SHISA6: variants seen among roughly 807,000 people sequenced by gnomAD.
SHISA6 encodes the protein shisa family member 6, also known as protein shisa-6.
In SHISA6, 22 loss-of-function variants were observed where a neutral mutation model predicts 47.9. The observed-to-expected ratio is 0.46, with a 90% CI of 0.33 to 0.66. SHISA6 has a LOEUF of 0.66. SHISA6 is among the 30% of genes least tolerant of loss of function. SHISA6 has a pLI of 0.02. For missense variants in SHISA6, 680 were observed against 764.6 expected (o/e 0.89, Z 1.30); for synonymous variants, 388 against 337.8 (o/e 1.15, Z -1.63).
At chr17:11,459,130 A>T (rs1258313078) in intron 3 of SHISA6, among the ~76,000 whole-genome samples, 3 of 151,390 alleles carry the variant, frequency 2.0e-5, no homozygotes, top group African/African-American at 7.3e-5. Flanking sequence ...GAGGCAGGAG[A>T]ATGGCATGAA....
chr17:11,470,623 GA>G (rs1187641000), intron 3 of SHISA6, among the ~76,000 whole-genome samples: 1 of 139,700 alleles, frequency 7.2e-6, no homozygotes, highest in African/African-American at 2.6e-5. Flanking sequence ...AACAGCAGGT[GA>G]AACAAGATTA....
At chr17:11,271,323 A>G (rs1158594185) in intron 2 of SHISA6, among the ~76,000 whole-genome samples, 3 of 152,156 alleles carry the variant, frequency 2.0e-5, no homozygotes, top group African/African-American at 4.8e-5. Flanking sequence ...AAGCATGGTT[A>G]TTAAATTTAT....
intron 2 of SHISA6, among the ~76,000 whole-genome samples, chr17:11,292,530 C>T (rs1021068539): frequency 2.0e-5 from 3 of 152,028 alleles, no homozygotes; most frequent in South Asian, 2.1e-4. Flanking sequence ...TCTGTCAGGA[C>T]GTAACATTTA....
chr17:11,353,017 T>G (rs1391174313), intron 2 of SHISA6, among the ~76,000 whole-genome samples: 2 of 152,198 alleles, frequency 1.3e-5, no homozygotes, highest in African/African-American at 4.8e-5. Context: ...TGAAAGGCAC[T>G]ATCCTCATGT....
chr17:11,468,310 T>C (rs1915858679), intron 3 of SHISA6, among the ~76,000 whole-genome samples: 1 of 152,046 alleles, frequency 6.6e-6, no homozygotes, highest in Non-Finnish European at 1.5e-5. Flanking sequence ...TCTAAGATGC[T>C]TTCTGGGTAT....
intron 3 of SHISA6, among the ~76,000 whole-genome samples, chr17:11,403,859 C>T (rs1913858293): frequency 6.6e-6 from 1 of 152,204 alleles, no homozygotes; most frequent in Non-Finnish European, 1.5e-5. Context: ...GGGTGGTGTT[C>T]CTCAGAGACC....
chr17:11,389,773 TG>T (rs1348405173), intron 3 of SHISA6, among the ~76,000 whole-genome samples: 8 of 152,202 alleles, frequency 5.3e-5, no homozygotes, highest in African/African-American at 1.7e-4. Context: ...GTCTTGGCAC[TG>T]AGTGGTCATC....
intron 2 of SHISA6, among the ~76,000 whole-genome samples, chr17:11,341,270 C>T (rs55764196): frequency 0.19 from 29,069 of 151,016 alleles, 3,033 homozygotes; most frequent in African/African-American, 0.25. Flanking sequence ...GCCTTGTACT[C>T]ACTGATTATC....
chr17:11,460,875 A>T (rs1423111123), intron 3 of SHISA6, among the ~76,000 whole-genome samples: 1 of 152,232 alleles, frequency 6.6e-6, no homozygotes, highest in Non-Finnish European at 1.5e-5. Flanking sequence ...AAGTCCCTGA[A>T]TGTGTTTTAA....
At chr17:11,245,751 G>GA (rs889803016) in intron 1 of SHISA6, among the ~76,000 whole-genome samples, 3 of 148,194 alleles carry the variant, frequency 2.0e-5, no homozygotes, top group Admixed American at 6.6e-5. Context: ...GGGCAGGGTG[G>GA]GGGGGGTGGA....
rs191452998 is a variant in SHISA6 at position 11,353,406 on chromosome 17, G to A, written c.800-26008G>A. On this transcript the variant is annotated intron_variant, in intron 2 of 5. Transcript: ENST00000441885. ...CAGGAGGCAGAGGTTGCAGTGAGCCGAGATCACGCCACCGCACTCCAGCCT... is the reference window on the plus strand; with the variant it reads ...CAGGAGGCAGAGGTTGCAGTGAGCCAAGATCACGCCACCGCACTCCAGCCT... Among the ~76,000 whole-genome samples the A allele has an allele frequency of 4.3e-4, 65 of 150,716 alleles. No individual in the cohort carries two copies. The East Asian group carries it at 0.013, about 29-fold the overall frequency.
intron 3 of SHISA6, among the ~76,000 whole-genome samples, chr17:11,487,099 C>G (rs1057414477): frequency 3.3e-5 from 5 of 152,216 alleles, no homozygotes; most frequent in African/African-American, 1.2e-4. Context: ...CGGCCCTTTA[C>G]AGAAAAACAT....
intron 2 of SHISA6, among the ~76,000 whole-genome samples, chr17:11,368,113 A>G (rs895528051): frequency 6.6e-6 from 1 of 152,230 alleles, no homozygotes; most frequent in Non-Finnish European, 1.5e-5. Context: ...ACGTGACTAC[A>G]TTTGGACAAT....
intron 2 of SHISA6, among the ~76,000 whole-genome samples, chr17:11,296,354 G>C (rs563725485): frequency 6.6e-6 from 1 of 152,288 alleles, no homozygotes; most frequent in East Asian, 1.9e-4. Context: ...TAGAGTAGGT[G>C]GTGGAAAGGA....
intron 3 of SHISA6, among the ~76,000 whole-genome samples, chr17:11,394,418 C>T (rs1309719917): frequency 6.6e-6 from 1 of 152,210 alleles, no homozygotes; most frequent in African/African-American, 2.4e-5. Flanking sequence ...AAGACAGTCC[C>T]TTCCACCTCT....
intron 2 of SHISA6, among the ~76,000 whole-genome samples, chr17:11,333,485 A>G (rs921112996): frequency 6.6e-6 from 1 of 151,860 alleles, no homozygotes; most frequent in African/African-American, 2.4e-5. Context: ...TGAAAACTCT[A>G]TGTTCTTCTT....
At position 11,438,997 on chromosome 17, in the gene SHISA6, A is replaced by G. The variant is rs1312683632; in HGVS notation, c.895+59488A>G. Among the ~76,000 whole-genome samples, 5 of 152,096 alleles carry G rather than the reference A, an allele frequency of 3.3e-5. No homozygotes were observed. In the East Asian group the frequency reaches 9.7e-4, roughly 29 times the overall value. On this transcript the variant is annotated intron_variant, in intron 3 of 5. Transcript: ENST00000441885. Reference sequence around the variant, plus strand: ...AGGGAAAGAGACGGGAAGTAAATATAAAGATTCAAGCAGTGGCCCCAAGGA... The same window carrying G: ...AGGGAAAGAGACGGGAAGTAAATATGAAGATTCAAGCAGTGGCCCCAAGGA...
chr17:11,241,830 G>T lies in SHISA6; in HGVS notation c.408G>T (p.Lys136Asn). Residue 136 changes from lysine to asparagine, a missense_variant, in exon 1 of 6, where the codon AAG (lysine) becomes AAT (asparagine). Physicochemically the swap from Lys to Asn is moderately conservative, Grantham distance 94. Coordinates refer to ENST00000441885, the MANE Select transcript of SHISA6 (RefSeq NM_207386.4). The surrounding 1 kb of genome is among the most constrained non-coding windows in gnomAD (Gnocchi z 5.5). ...TCTGCTGCAAGAAGCGCCACGAGAA[G>T]CTGGACCAGCGCCAGTGCACCAACT... ...YRFCCKKRHE[K>N]LDQRQCTNYQ... 6.4e-7 allele frequency: 1 copy of T among 1,551,090 alleles called. No homozygotes were observed. The highest frequency in any genetic ancestry group is 8.7e-7 in the Non-Finnish European group (1 of 1,146,996).
intron 2 of SHISA6, among the ~76,000 whole-genome samples, chr17:11,266,251 G>C (rs1385898512): frequency 6.6e-6 from 1 of 152,144 alleles, no homozygotes; most frequent in Non-Finnish European, 1.5e-5. Flanking sequence ...TTTTTAGGGG[G>C]CTATTAAGGG....
Sources: allele counts gnomAD v4.1 joint callset (sites outside exome capture counted in the v4.1 genomes callset), GRCh38; gene constraint gnomAD v4.1.1; non-coding constraint Gnocchi (gnomAD v3.1); transcripts MANE v1.5; gene names NCBI Gene and HGNC (gene_info 2026-07-23, HGNC 2026-07-21).